The following FAM83A variants were observed in gnomAD, a reference collection of about 807,000 sequenced individuals.
The protein encoded by FAM83A is scaffolding CK1 anchoring protein A.
In FAM83A, 21 loss-of-function variants were observed where a neutral mutation model predicts 24.4. The ratio of observed to expected loss-of-function variants is 0.86; its 90% confidence interval spans 0.61 to 1.24. The LOEUF is 1.24. FAM83A is among the 50% of genes most tolerant of loss of function. The pLI is 0.00. For synonymous variants in FAM83A, 270 were observed against 252.4 expected (o/e 1.07, Z -0.66); for missense variants, 617 against 579.8 (o/e 1.06, Z -0.66).
chr8:123,192,092 T>C, intron 2 of FAM83A, 122 bp downstream of exon 2: 2 of 1,181,988 alleles, frequency 1.7e-6, no homozygotes, highest in Non-Finnish European at 2.4e-6. Context: ...GTTCATTTCT[T>C]GCTCAAACAA....
intron 1 of FAM83A, among the ~76,000 whole-genome samples, chr8:123,187,995 G>A (rs1401301356): frequency 1.3e-5 from 2 of 151,928 alleles, no homozygotes; most frequent in African/African-American, 4.8e-5. Context: ...CAAGTAGCTG[G>A]GATTACAGGC....
At chr8:123,192,337 T>G (rs1249811722) in intron 2 of FAM83A, among the ~76,000 whole-genome samples, 1 of 152,178 alleles carries the variant, frequency 6.6e-6, no homozygotes, top group Admixed American at 6.6e-5. Context: ...GCAGCATCTC[T>G]GCCATGTACT....
chr8:123,194,132 C>G (rs1232426934), exon 3 of FAM83A: 3 of 1,613,920 alleles, frequency 1.9e-6, no homozygotes, highest in Non-Finnish European at 2.5e-6. Context: ...GAGATTTGTC[C>G]TGTCTGGATC....
At chr8:123,202,990 T>A (rs970162208) in intron 3 of FAM83A, among the ~76,000 whole-genome samples, 1 of 151,824 alleles carries the variant, frequency 6.6e-6, no homozygotes, top group Non-Finnish European at 1.5e-5. Flanking sequence ...GAGGGACAAA[T>A]TGACACACAG....
intron 1 of FAM83A, among the ~76,000 whole-genome samples, chr8:123,190,664 C>A (rs1823945919): frequency 6.6e-6 from 1 of 152,070 alleles, no homozygotes; most frequent in Non-Finnish European, 1.5e-5. Context: ...AGAGTAAACC[C>A]AAACAAGCTT....
intron 1 of FAM83A, among the ~76,000 whole-genome samples, chr8:123,190,825 A>T (rs1823950113): frequency 6.6e-6 from 1 of 152,154 alleles, no homozygotes. Flanking sequence ...CTTCATTGTC[A>T]GGCAGGCTCT....
intron 1 of FAM83A, among the ~76,000 whole-genome samples, chr8:123,189,173 G>A (rs538141727): frequency 4.6e-5 from 7 of 152,340 alleles, no homozygotes; most frequent in African/African-American, 1.7e-4. Context: ...ACAATTAATT[G>A]TGTGATTACA....
At chr8:123,205,269 ACTTGTT>A (rs1824507885) in intron 3 of FAM83A, among the ~76,000 whole-genome samples, 1 of 151,694 alleles carries the variant, frequency 6.6e-6, no homozygotes, top group Non-Finnish European at 1.5e-5. Context: ...TGTTCTTTGG[ACTTGTT>A]CTTGTTCTGT....
intron 3 of FAM83A, among the ~76,000 whole-genome samples, chr8:123,200,231 G>A (rs951386384): frequency 6.6e-6 from 1 of 152,174 alleles, no homozygotes; most frequent in African/African-American, 2.4e-5. Context: ...TTACAGTAGG[G>A]AGGTTCTGCT....
upstream of FAM83A, among the ~76,000 whole-genome samples, chr8:123,180,974 C>T (rs1056183218): frequency 4.6e-5 from 7 of 151,768 alleles, no homozygotes; most frequent in Non-Finnish European, 7.4e-5. Flanking sequence ...GACAGAGTTT[C>T]GCTCTGTTGC....
At chr8:123,207,838 G>T in exon 4 of FAM83A, 1 of 1,388,686 alleles carries the variant, frequency 7.2e-7, no homozygotes, top group Non-Finnish European at 9.3e-7. Context: ...CAGGCCCCAG[G>T]CCATCCACTT....
At chr8:123,183,475 C>T in intron 1 of FAM83A, 139 bp downstream of exon 1, 1 of 1,329,556 alleles carries the variant, frequency 7.5e-7, no homozygotes, top group Non-Finnish European at 1.0e-6. Flanking sequence ...GCTTTGCTGT[C>T]CGCCTTGCCC....
Position 123,183,006 on chromosome 8 carries a change from C to G in FAM83A, c.150C>G (p.Tyr50Ter), listed in dbSNP as rs1823657262. The G allele has an allele frequency of 1.2e-6, 2 of 1,601,002 alleles. No individual in the cohort carries two copies. Among genetic ancestry groups the G allele is most frequent in the Non-Finnish European group, 1.7e-6 (2 of 1,173,548 alleles). The stretch of plus-strand genomic sequence containing the variant: ...TCTTGGATGGGGGTTCTGAAGCCTA[C>G]TGGCGGGTGCTCAGCCAGGAAGGCG... The change falls in exon 1 of 4, where the codon TAC becomes TAG. Residue 50 changes from tyrosine (Y) to a stop codon, truncating the protein, a stop_gained. Coordinates refer to ENST00000690554, the Ensembl canonical transcript of FAM83A. LOFTEE classifies it high-confidence loss of function.
At chr8:123,207,842 T>A in exon 4 of FAM83A, 1 of 1,387,874 alleles carries the variant, frequency 7.2e-7, no homozygotes, top group Admixed American at 3.4e-5. Context: ...CCCCAGGCCA[T>A]CCACTTGCCG....
chr8:123,197,701 GGAA>G (rs1824205388), intron 3 of FAM83A, among the ~76,000 whole-genome samples: 2 of 152,238 alleles, frequency 1.3e-5, no homozygotes, highest in African/African-American at 4.8e-5. Flanking sequence ...ATCACTAAAG[GGAA>G]GAAGGAGGTT....
intron 2 of FAM83A, among the ~76,000 whole-genome samples, chr8:123,192,307 G>C (rs1185273552): frequency 1.3e-5 from 2 of 152,168 alleles, no homozygotes; most frequent in African/African-American, 4.8e-5. Flanking sequence ...GAAATGTAAA[G>C]GGTCATGGGT....
At chr8:123,188,632 C>T (rs994665687) in intron 1 of FAM83A, among the ~76,000 whole-genome samples, 1 of 151,984 alleles carries the variant, frequency 6.6e-6, no homozygotes, top group South Asian at 2.1e-4. Flanking sequence ...TACAGGCGTG[C>T]GCCACCACAC....
chr8:123,207,549 C>T, exon 4 of FAM83A: 1 of 1,546,302 alleles, frequency 6.5e-7, no homozygotes, highest in Non-Finnish European at 8.7e-7. Context: ...TCCCCGCGGC[C>T]CCACGACGGC....
Position 123,209,285 on chromosome 8 carries a change from G to C in FAM83A, c.*1597G>C, listed in dbSNP as rs1003516268. ...CTGACGGCCTGTGGCATCCTCCCTAGTCCCCTCTGCCCATCCATCCCTCTG... is the reference window on the plus strand; with the variant it reads ...CTGACGGCCTGTGGCATCCTCCCTACTCCCCTCTGCCCATCCATCCCTCTG... On this transcript the variant is annotated 3_prime_UTR_variant, in exon 4 of 4. Transcript: ENST00000690554. This position sits in a 1 kb window ranked among gnomAD's most constrained non-coding sequence, Gnocchi z 4.7. 5 of 1,352,470 alleles carry C rather than the reference G, an allele frequency of 3.7e-6. No individual in the cohort carries two copies. In the African/African-American group the frequency reaches 5.9e-5, roughly 16 times the overall value. The allele number at this position is 1,352,470 out of a possible 1,614,324, so 83.8% of individuals were successfully genotyped here.
Sources: gnomAD v4.1 joint callset for allele counts (sites outside exome capture counted in the v4.1 genomes callset) on GRCh38, gnomAD v4.1.1 for gene constraint, Gnocchi (gnomAD v3.1) non-coding constraint, MANE v1.5 for transcripts, NCBI Gene and HGNC (gene_info 2026-07-23, HGNC 2026-07-21) for gene names.